Variants in NNT observed in about 807,000 individuals in gnomAD.
The protein encoded by NNT is nicotinamide nucleotide transhydrogenase, also known as NAD(P) transhydrogenase, mitochondrial.
NNT carries 50 observed loss-of-function variants against 104.8 expected under a neutral mutation model. The ratio of observed to expected loss-of-function variants is 0.48; its 90% confidence interval spans 0.38 to 0.60. The LOEUF (loss-of-function observed/expected upper bound fraction) is 0.60. Ranked by LOEUF, NNT falls within the 20% of genes least tolerant of loss-of-function variation. The pLI is 0.00. For synonymous variants in NNT, 461 were observed against 490.4 expected (o/e 0.94, Z 0.79); for missense variants, 1,131 against 1,330.7 (o/e 0.85, Z 2.33).
rs34241095 is a variant in NNT, at chr5:43,609,275, G to T, written c.80G>T (p.Arg27Leu). Residue 27 changes from arginine to leucine, a missense_variant, in exon 2 of 22, where the codon CGT (arginine) becomes CTT (leucine). Coordinates refer to ENST00000344920, the MANE Select transcript of NNT (RefSeq NM_182977.3). ...AATTTGGGGTCCTGTAAGGGTCTACGTGTGAAGAAGGATTTTTTACGAACA... is the reference window on the plus strand; with the variant it reads ...AATTTGGGGTCCTGTAAGGGTCTACTTGTGAAGAAGGATTTTTTACGAACA... ...LSNLGSCKGL[R>L]VKKDFLRTFY... is the part of the protein sequence containing the mutation. 3.1e-6 allele frequency: 5 copies of T among 1,613,862 alleles called. No individual in the cohort carries two copies. The highest frequency in any genetic ancestry group is 4.2e-6 in the Non-Finnish European group (5 of 1,179,902).
At chr5:43,638,555 G>C (rs1751056266) in intron 7 of NNT, among the ~76,000 whole-genome samples, 1 of 151,730 alleles carries the variant, frequency 6.6e-6, no homozygotes, top group Non-Finnish European at 1.5e-5. Flanking sequence ...CCTAGTACTT[G>C]TTCATGAGAA....
At chr5:43,623,505 G>C (rs963236266) in intron 5 of NNT, among the ~76,000 whole-genome samples, 1 of 152,158 alleles carries the variant, frequency 6.6e-6, no homozygotes, top group Non-Finnish European at 1.5e-5. Flanking sequence ...TCAGAATTGT[G>C]GTTGCTCATC....
chr5:43,699,622 G>C (rs1229313101), intron 19 of NNT, among the ~76,000 whole-genome samples: 1 of 152,074 alleles, frequency 6.6e-6, no homozygotes, highest in Non-Finnish European at 1.5e-5. Context: ...CCAAAGTGCG[G>C]GGATTACAGG....
intron 1 of NNT, among the ~76,000 whole-genome samples, chr5:43,605,085 C>T (rs1363755393): frequency 6.6e-6 from 1 of 152,184 alleles, no homozygotes; most frequent in East Asian, 1.9e-4. Flanking sequence ...TCCGCAGATC[C>T]AGAGCTGACT....
chr5:43,607,721 A>G (rs1046031061), intron 1 of NNT, among the ~76,000 whole-genome samples: 1 of 152,160 alleles, frequency 6.6e-6, no homozygotes, highest in Admixed American at 6.5e-5. Context: ...GATTACAGGC[A>G]TGAGCCACCA....
chr5:43,651,746 T>C lies in NNT; in HGVS notation c.1725T>C (p.Phe575=), dbSNP rs1739777412. The change falls in exon 13 of 22, where the codon TTT becomes TTC. Residue 575 remains phenylalanine (F), a synonymous_variant. Coordinates refer to ENST00000344920, the MANE Select transcript of NNT (RefSeq NM_182977.3). ...FISSVNIAGG[F]LVTQRMLDMF... ...TTCCTTTGGTTTGCTAAGGTGGCTT[T>C]CTGGTGACTCAGAGAATGCTGGACA... 6.2e-7 allele frequency: 1 copy of C among 1,614,058 alleles called. No individual in the cohort carries two copies. Among genetic ancestry groups the C allele is most frequent in the Non-Finnish European group, 8.5e-7 (1 of 1,180,030 alleles).
chr5:43,651,220 C>T (rs1300762935), intron 12 of NNT, among the ~76,000 whole-genome samples: 1 of 151,946 alleles, frequency 6.6e-6, no homozygotes, highest in Non-Finnish European at 1.5e-5. Context: ...AAGTTTTCTT[C>T]CTGAATATAT....
intron 17 of NNT, chr5:43,667,044 C>T: frequency 6.3e-7 from 1 of 1,596,900 alleles, no homozygotes; most frequent in Non-Finnish European, 8.5e-7. Context: ...CACTCATGGC[C>T]TTGGCATTGT....
intron 14 of NNT, among the ~76,000 whole-genome samples, chr5:43,655,145 G>T (rs569071658): frequency 4.9e-4 from 75 of 152,246 alleles, no homozygotes; most frequent in African/African-American, 1.7e-3. Context: ...GAAAGCACTG[G>T]CTATAGAGAA....
intron 19 of NNT, among the ~76,000 whole-genome samples, chr5:43,698,877 C>CTATA (rs1337961622): frequency 1.4e-5 from 2 of 145,674 alleles, no homozygotes; most frequent in Non-Finnish European, 3.0e-5. Context: ...TATATGTAGA[C>CTATA]TATATATATA....
chr5:43,630,852 T>C (rs913514642), intron 7 of NNT, among the ~76,000 whole-genome samples: 1 of 152,208 alleles, frequency 6.6e-6, no homozygotes, highest in African/African-American at 2.4e-5. Context: ...AAAGGGTTCT[T>C]GGTTGCTTAT....
intron 19 of NNT, among the ~76,000 whole-genome samples, chr5:43,690,687 C>A (rs576440515): frequency 1.1e-3 from 173 of 152,262 alleles, no homozygotes; most frequent in African/African-American, 3.9e-3. Flanking sequence ...ATCCCTCCCC[C>A]ACCTTCCATA....
intron 17 of NNT, among the ~76,000 whole-genome samples, chr5:43,670,412 G>C (rs138461104): frequency 0.017 from 2,532 of 152,156 alleles, 76 homozygotes; most frequent in African/African-American, 0.058. Context: ...TTCTCTTGTG[G>C]GCATTTAGTG....
intron 17 of NNT, among the ~76,000 whole-genome samples, chr5:43,668,551 T>G (rs57536193): frequency 0.016 from 2,369 of 152,306 alleles, 52 homozygotes; most frequent in African/African-American, 0.054. Context: ...TTTCCCCATT[T>G]CTTGTTTTTG....
At chr5:43,618,590 C>T (rs1185230005) in intron 4 of NNT, among the ~76,000 whole-genome samples, 1 of 152,168 alleles carries the variant, frequency 6.6e-6, no homozygotes, top group African/African-American at 2.4e-5. Flanking sequence ...GATGTATAGT[C>T]CTAGTACCCA....
rs529906955 is a variant in NNT, at chr5:43,648,064, T to C, written c.1445-1083T>C. ...ACTGACTTAAGAAAACATATTCTTA[T>C]TCACAACCCTATGCAACTTCTCTAA... On this transcript the variant is annotated intron_variant, in intron 10 of 21. Transcript: ENST00000344920. The C allele has an allele frequency of 7.2e-4, 896 of 1,242,228 alleles. 2 individuals carry two copies. The highest frequency in any genetic ancestry group is 3.4e-3 in the Middle Eastern group (15 of 4,464). The allele number at this position is 1,242,228 out of a possible 1,614,324, so 77.0% of individuals were successfully genotyped here. A position where few individuals can be genotyped will look rare whatever the true frequency, so the allele number is the denominator to read the frequency against.
In NNT at chr5:43,700,102, A is replaced by T; in HGVS notation, c.2877-17A>T. On this transcript the variant is annotated splice_polypyrimidine_tract_variant and intron_variant, in intron 19 of 21. Coordinates refer to ENST00000344920, the MANE Select transcript of NNT (RefSeq NM_182977.3). ...TCCTGTCAAGTAAGGCCAGCTCTTC[A>T]TTTGTTTCATGTCTAGGTTTGGAAT... 1 of 1,600,334 alleles carries T rather than the reference A, an allele frequency of 6.2e-7. No homozygotes were observed. Among genetic ancestry groups the T allele is most frequent in the Non-Finnish European group, 8.6e-7 (1 of 1,169,160 alleles).
chr5:43,630,838 G>T (rs534436733), intron 7 of NNT, among the ~76,000 whole-genome samples: 1 of 152,250 alleles, frequency 6.6e-6, no homozygotes, highest in Middle Eastern at 3.4e-3. Context: ...TATAATGAGA[G>T]CTTAAAGGGT....
intron 18 of NNT, 103 bp from the exon 19 acceptor site, chr5:43,677,622 C>A (rs187433027): frequency 2.0e-6 from 2 of 981,410 alleles, no homozygotes; most frequent in Non-Finnish European, 1.6e-6. Flanking sequence ...TAAATGATTG[C>A]CTCTGTTGGC....
Sources: gnomAD v4.1 joint callset for allele counts (sites outside exome capture counted in the v4.1 genomes callset) on GRCh38, gnomAD v4.1.1 for gene constraint, MANE v1.5 for transcripts, NCBI Gene and HGNC (gene_info 2026-07-23, HGNC 2026-07-21) for gene names.